The following APBA1 variants were observed in gnomAD, a reference collection of about 807,000 sequenced individuals.
APBA1 encodes the protein amyloid-beta A4 precursor protein-binding family A member 1.
In APBA1, 55 loss-of-function variants were observed where a neutral mutation model predicts 86.6. The observed-to-expected ratio is 0.64, with a 90% confidence interval of 0.51 to 0.80. The LOEUF (loss-of-function observed/expected upper bound fraction) is 0.80, where lower values mean the gene tolerates loss of function less well. APBA1 is among the 30% of genes least tolerant of loss of function. The pLI is 0.00. For missense variants in APBA1, 1,090 were observed against 1,183.0 expected (o/e 0.92, Z 1.15); for synonymous variants, 511 against 493.9 (o/e 1.03, Z -0.46).
At chr9:69,491,115 A>C (rs1023235949) in intron 2 of APBA1, among the ~76,000 whole-genome samples, 1 of 152,136 alleles carries the variant, frequency 6.6e-6, no homozygotes, top group Non-Finnish European at 1.5e-5. Flanking sequence ...GTATATACCC[A>C]AACGATTATA....
At chr9:69,512,161 T>C (rs759670137) in intron 2 of APBA1, among the ~76,000 whole-genome samples, 6 of 151,832 alleles carry the variant, frequency 4.0e-5, no homozygotes, top group Non-Finnish European at 8.8e-5. Context: ...AAGAAGGGGA[T>C]TGGGAGATAC....
At chr9:69,498,067 C>T (rs1487567751) in intron 2 of APBA1, among the ~76,000 whole-genome samples, 1 of 152,066 alleles carries the variant, frequency 6.6e-6, no homozygotes, top group Non-Finnish European at 1.5e-5. Flanking sequence ...TAATCTCCTC[C>T]CTGGGGAGGG....
At chr9:69,492,297 A>C (rs1394824552) in intron 2 of APBA1, among the ~76,000 whole-genome samples, 1 of 152,012 alleles carries the variant, frequency 6.6e-6, no homozygotes, top group Non-Finnish European at 1.5e-5. Context: ...GTGATAATGC[A>C]CACTAGTGGT....
intron 1 of APBA1, among the ~76,000 whole-genome samples, chr9:69,616,629 C>T (rs141001527): frequency 1.3e-5 from 2 of 152,256 alleles, no homozygotes; most frequent in Non-Finnish European, 2.9e-5. Flanking sequence ...ACAATGAACT[C>T]CAGGTAGACC....
intron 1 of APBA1, among the ~76,000 whole-genome samples, chr9:69,558,398 T>C (rs1050952470): frequency 1.3e-5 from 2 of 152,020 alleles, no homozygotes; most frequent in African/African-American, 4.8e-5. Flanking sequence ...GTCTTTTCTA[T>C]GCTCCTGTTT....
chr9:69,432,642 C>G lies in APBA1; in HGVS notation c.2336G>C (p.Arg779Thr). 1 of 1,602,884 alleles carries G rather than the reference C, an allele frequency of 6.2e-7. No homozygotes were observed. The highest frequency in any genetic ancestry group is 8.5e-7 in the Non-Finnish European group (1 of 1,175,618). Residue 779 changes from arginine to threonine, a missense_variant, in exon 12 of 13, where the codon AGA becomes ACA. By Grantham distance (71) the Arg-to-Thr change is moderately conservative. This residue lies in a region of APBA1 where 119 missense variants were observed against 124.8 expected (regional missense o/e 0.95). Transcript: ENST00000265381. ...CSLMRGGIAE[R>T]GGVRVGHRII... ...CCGGTGCCCCACACGGACGCCTCCT[C>G]TCTCAGCTATTCCCCCTCGCATGAG...
At chr9:69,444,869 A>C (rs1164528487) in intron 10 of APBA1, among the ~76,000 whole-genome samples, 1 of 152,234 alleles carries the variant, frequency 6.6e-6, no homozygotes, top group Non-Finnish European at 1.5e-5. Flanking sequence ...GCTGGATAAG[A>C]GACATTATCA....
Position 69,449,789 on chromosome 9 carries a change from A to G in APBA1, c.1976T>C (p.Ile659Thr). ...TAGGATTTCTCCTTTCTGCTTCTCT[A>G]TGAAAACCTGGAAGGAGAAAAACAT... ...SKSENCKDVF[I>T]EKQKGEILGV... Residue 659 changes from isoleucine to threonine, a missense_variant, in exon 10 of 13, where the codon ATA (isoleucine) becomes ACA (threonine). By Grantham distance (89) the Ile-to-Thr change is moderately conservative (BLOSUM62 -1). Transcript: ENST00000265381. 6 of 1,609,368 alleles carry G rather than the reference A, an allele frequency of 3.7e-6. No individual in the cohort carries two copies. The highest frequency in any genetic ancestry group is 5.1e-6 in the Non-Finnish European group (6 of 1,176,168).
At chr9:69,658,304 C>CTCCCTTTCTTTCTT in intron 1 of APBA1, among the ~76,000 whole-genome samples, 1 of 80,034 alleles carries the variant, frequency 1.2e-5, no homozygotes, top group East Asian at 3.9e-4. Context: ...TTCTCTCTCT[C>CTCCCTTTCTTTCTT]TCTTTCTTTC....
chr9:69,648,558 A>G (rs2134013958), intron 1 of APBA1, among the ~76,000 whole-genome samples: 2 of 152,304 alleles, frequency 1.3e-5, no homozygotes, highest in South Asian at 4.1e-4. Context: ...GGCAAAAATC[A>G]TTATTTTTAA....
At chr9:69,520,819 A>G (rs144036096) in intron 1 of APBA1, among the ~76,000 whole-genome samples, 101 of 152,304 alleles carry the variant, frequency 6.6e-4, no homozygotes, top group African/African-American at 2.3e-3. Context: ...CTCTTGGATC[A>G]GTCTTGCTGC....
chr9:69,562,383 T>C (rs979693663), intron 1 of APBA1, among the ~76,000 whole-genome samples: 4 of 151,472 alleles, frequency 2.6e-5, no homozygotes, highest in African/African-American at 9.7e-5. Context: ...TTCTTTTCTT[T>C]TTTTTTTTTG....
intron 8 of APBA1, among the ~76,000 whole-genome samples, chr9:69,453,882 G>C (rs1424353759): frequency 6.6e-6 from 1 of 152,222 alleles, no homozygotes; most frequent in South Asian, 2.1e-4. Context: ...GAGCTTTCTA[G>C]ACTTTGGAAC....
chr9:69,515,990 C>T lies in APBA1; in HGVS notation c.1200+21G>A. On this transcript the variant is annotated intron_variant, in intron 2 of 12. Coordinates refer to ENST00000265381, the MANE Select transcript of APBA1 (RefSeq NM_001163.4). ...CTCCCACCGCGTGGGGCCGAGGAAG[C>T]CCAAACCCGCACCTACTTACATCTC... The T allele has an allele frequency of 2.6e-6, 4 of 1,517,120 alleles. No homozygotes were observed. In the South Asian group the frequency reaches 3.8e-5, roughly 14 times the overall value. 94.0% of individuals were successfully genotyped at this position (1,517,120 alleles called of 1,614,324 possible).
chr9:69,658,222 C>CTCTTTCTTTCTTTCTTTCTT (rs1212486587), intron 1 of APBA1, among the ~76,000 whole-genome samples: 1 of 104,220 alleles, frequency 9.6e-6, no homozygotes, highest in Non-Finnish European at 2.3e-5. Flanking sequence ...AGTCCTTTCT[C>CTCTTTCTTTCTTTCTTTCTT]TCTTTCTTTC....
At chr9:69,451,143 C>T (rs12345295) in intron 9 of APBA1, among the ~76,000 whole-genome samples, 8,109 of 152,248 alleles carry the variant, frequency 0.053, 715 homozygotes, top group African/African-American at 0.18. Flanking sequence ...AGCTCCCTCG[C>T]TCCAAGGTGA....
intron 2 of APBA1, among the ~76,000 whole-genome samples, chr9:69,496,285 A>G (rs1835793699): frequency 6.6e-6 from 1 of 152,114 alleles, no homozygotes; most frequent in Non-Finnish European, 1.5e-5. Context: ...TCATCTGAAT[A>G]GATGACTTTA....
rs1822072462 is a variant in APBA1 at position 69,588,794 on chromosome 9, C to T, written c.-69-71515G>A. ...TTATCTCATTTAATCTCACCACATCCCTGTAACTAGTGCCTCCAATTTACA... is the reference window on the plus strand; with the variant it reads ...TTATCTCATTTAATCTCACCACATCTCTGTAACTAGTGCCTCCAATTTACA... On this transcript the variant is annotated intron_variant, in intron 1 of 12. Transcript: ENST00000265381. 3.3e-5 allele frequency among the ~76,000 whole-genome samples: 5 copies of T among 152,278 alleles called. No individual in the cohort carries two copies. The South Asian group carries it at 1.0e-3, about 32-fold the overall frequency.
intron 1 of APBA1, among the ~76,000 whole-genome samples, chr9:69,560,676 A>G (rs1166802327): frequency 6.6e-6 from 1 of 152,186 alleles, no homozygotes; most frequent in Admixed American, 6.5e-5. Flanking sequence ...AATGCTTGAG[A>G]CCAGCAGTGT....
Sources: allele counts gnomAD v4.1 joint callset (sites outside exome capture counted in the v4.1 genomes callset), GRCh38; gene constraint gnomAD v4.1.1; regional missense constraint gnomAD v4.1.1; transcripts MANE v1.5; gene names NCBI Gene and HGNC (gene_info 2026-07-23, HGNC 2026-07-21).